Variants in KIRREL3 observed in about 807,000 individuals in gnomAD.
KIRREL3 encodes kin of IRRE-like protein 3.
A neutral mutation model predicts 89.7 loss-of-function variants in KIRREL3; 36 were observed. The observed-to-expected ratio is 0.40, with a 90% CI of 0.31 to 0.53. The LOEUF (loss-of-function observed/expected upper bound fraction) is 0.53. KIRREL3 is among the 20% of genes least tolerant of loss of function. The probability of loss-of-function intolerance (pLI) is 0.49; values close to 1 mark genes in which losing one functional copy is unlikely to be tolerated. For synonymous variants in KIRREL3, 445 were observed against 441.4 expected (o/e 1.01, Z -0.10); for missense variants, 864 against 1,056.6 (o/e 0.82, Z 2.53).
At chr11:126,464,345 CAAA>C (rs59100386) in intron 5 of KIRREL3, among the ~76,000 whole-genome samples, 2 of 94,894 alleles carry the variant, frequency 2.1e-5, no homozygotes, top group Non-Finnish European at 4.0e-5. Flanking sequence ...CTGTCACTAC[CAAA>C]AAAAAAAAAA....
At chr11:126,936,364 G>A (rs1177622016) in intron 1 of KIRREL3, 2 of 152,148 alleles carry the variant, frequency 1.3e-5, no homozygotes, top group Admixed American at 1.3e-4. Context: ...TTTACCATAT[G>A]ATCCAGCAAT....
At position 126,454,161 on chromosome 11, in the gene KIRREL3, CCTT is replaced by C. The variant is rs57794917; in HGVS notation, c.848+2185_848+2187del. On this transcript the variant is annotated intron_variant, in intron 7 of 16. Coordinates refer to ENST00000525144, the MANE Select transcript of KIRREL3 (RefSeq NM_032531.4). The surrounding 1 kb of genome is among the most constrained non-coding windows in gnomAD (Gnocchi z 5.8). ...TGCGGAGACCTCTCCTCTCCTCCCACCTTCTTCTCTTTCCTATTATTGCTGTTC... is the reference window on the plus strand; with the variant it reads ...TGCGGAGACCTCTCCTCTCCTCCCACCTTCTCTTTCCTATTATTGCTGTTC... Among the ~76,000 whole-genome samples, 25,365 of 152,050 alleles carry C rather than the reference CCTT, an allele frequency of 0.17. 2,602 individuals carry two copies. Among genetic ancestry groups the C allele is most frequent in the East Asian group, 0.39 (1,986 of 5,142 alleles).
At chr11:126,841,090 G>A (rs1427168286) in intron 1 of KIRREL3, among the ~76,000 whole-genome samples, 2 of 152,166 alleles carry the variant, frequency 1.3e-5, no homozygotes, top group African/African-American at 4.8e-5. Flanking sequence ...TTTTATCGTA[G>A]GTATGTATGG....
At chr11:126,626,157 A>G (rs1943776595) in intron 1 of KIRREL3, among the ~76,000 whole-genome samples, 1 of 152,198 alleles carries the variant, frequency 6.6e-6, no homozygotes, top group African/African-American at 2.4e-5. Flanking sequence ...TCCTGGGTCT[A>G]GGAGGGACCC....
In KIRREL3 at chr11:126,601,869, G is replaced by C. The variant is rs989614295; in HGVS notation, c.56-38957C>G. ...GGACTAAAGGTGGAGGTCTTGGCCT[G>C]AGAACCGTGCATACGGGACAGCATG... On this transcript the variant is annotated intron_variant, in intron 1 of 16. Transcript: ENST00000525144. The surrounding 1 kb of genome is among the most constrained non-coding windows in gnomAD (Gnocchi z 5.8). Among the ~76,000 whole-genome samples, 14 of 152,190 alleles carry C rather than the reference G, an allele frequency of 9.2e-5. No individual in the cohort carries two copies. Among genetic ancestry groups the C allele is most frequent in the African/African-American group, 3.4e-4 (14 of 41,442 alleles).
chr11:126,728,749 T>C (rs2134188386), intron 1 of KIRREL3, among the ~76,000 whole-genome samples: 1 of 152,290 alleles, frequency 6.6e-6, no homozygotes, highest in Non-Finnish European at 1.5e-5. Flanking sequence ...TTCAGTTCAG[T>C]AAGTAACTTC....
chr11:126,518,113 G>C (rs774618734), intron 4 of KIRREL3, among the ~76,000 whole-genome samples: 9 of 152,162 alleles, frequency 5.9e-5, no homozygotes, highest in Non-Finnish European at 8.8e-5. Context: ...CTCATTTCCT[G>C]GCTCCCTCCT....
At position 126,521,674 on chromosome 11, in the gene KIRREL3, GTA is replaced by G. The variant is rs1958594483; in HGVS notation, c.284-212_284-211del. ...GTGTTGGTTCTCTCTCTCTCTCTCT[GTA>G]TGTGTGTGTGTGTGTGTGTGTGTGT... On this transcript the variant is annotated intron_variant, in intron 3 of 16. Coordinates refer to ENST00000525144, the MANE Select transcript of KIRREL3 (RefSeq NM_032531.4). The surrounding 1 kb of genome is among the most constrained non-coding windows in gnomAD (Gnocchi z 4.1). Among the ~76,000 whole-genome samples the G allele has an allele frequency of 3.1e-5, 1 of 32,128 alleles. No individual in the cohort carries two copies. Among genetic ancestry groups the G allele is most frequent in the African/African-American group, 3.3e-4 (1 of 3,066 alleles). The allele number at this position is 32,128 out of a possible 152,430, so 21.1% of individuals were successfully genotyped here.
At chr11:126,941,508 T>C (rs1202814445) in intron 1 of KIRREL3, among the ~76,000 whole-genome samples, 1 of 152,208 alleles carries the variant, frequency 6.6e-6, no homozygotes, top group Non-Finnish European at 1.5e-5. Context: ...CAGGTGATTC[T>C]CAGGCAGCCA....
Position 126,521,470 on chromosome 11 carries a change from G to A in KIRREL3, c.284-6C>T. The A allele has an allele frequency of 6.3e-7, 1 of 1,579,608 alleles. No individual in the cohort carries two copies. The highest frequency in any genetic ancestry group is 8.6e-7 in the Non-Finnish European group (1 of 1,162,958). ...CACCAGGTACTGTGGGTAACCTGTG[G>A]AGACAACAGGCAGGTCAGGGAGCTG... On this transcript the variant is annotated splice_region_variant and splice_polypyrimidine_tract_variant and intron_variant, in intron 3 of 16. Coordinates refer to ENST00000525144, the MANE Select transcript of KIRREL3 (RefSeq NM_032531.4). This position sits in a 1 kb window ranked among gnomAD's most constrained non-coding sequence, Gnocchi z 4.1.
chr11:126,872,554 TG>T lies in KIRREL3; in HGVS notation c.55+127900del. On this transcript the variant is annotated intron_variant, in intron 1 of 16. Transcript: ENST00000525144. The surrounding 1 kb of genome is among the most constrained non-coding windows in gnomAD (Gnocchi z 4.2). ...AACCCTCCCGGACTAAGCCCCAATT[TG>T]GGGGCTCACTTCACCTGCATCATTT... 6.6e-6 allele frequency among the ~76,000 whole-genome samples: 1 copy of T among 152,324 alleles called. No homozygotes were observed. The highest frequency in any genetic ancestry group is 3.4e-3 in the Middle Eastern group (1 of 294).
chr11:126,751,426 G>C (rs1949331610), intron 1 of KIRREL3, among the ~76,000 whole-genome samples: 1 of 152,216 alleles, frequency 6.6e-6, no homozygotes, highest in South Asian at 2.1e-4. Context: ...TTATGAACTT[G>C]AAAGCTGTTT....
rs1282857643 is a variant in KIRREL3, at chr11:126,791,884, A to G, written c.55+208571T>C. On this transcript the variant is annotated intron_variant, in intron 1 of 16. Transcript: ENST00000525144. The surrounding 1 kb of genome is among the most constrained non-coding windows in gnomAD (Gnocchi z 4.8). ...GAATGTGGATGTAGCATTGATTCAC[A>G]CTTGCTGTCTGCTGTGAAAACAGTT... Among the ~76,000 whole-genome samples, 1 of 149,908 alleles carries G rather than the reference A, an allele frequency of 6.7e-6. No individual in the cohort carries two copies. The highest frequency in any genetic ancestry group is 2.5e-5 in the African/African-American group (1 of 39,332).
In KIRREL3 at chr11:126,653,959, A is replaced by G. The variant is rs773010738; in HGVS notation, c.56-91047T>C. 6.6e-6 allele frequency among the ~76,000 whole-genome samples: 1 copy of G among 152,184 alleles called. No individual in the cohort carries two copies. Among genetic ancestry groups the G allele is most frequent in the Non-Finnish European group, 1.5e-5 (1 of 68,030 alleles). On this transcript the variant is annotated intron_variant, in intron 1 of 16. Transcript: ENST00000525144. This position sits in a 1 kb window ranked among gnomAD's most constrained non-coding sequence, Gnocchi z 5.4. ...GGGGAAGGTGATACCACTTCTGCCT[A>G]GAGGGTGACCCCCACGCCCAGCACA...
chr11:126,446,977 A>T, intron 8 of KIRREL3, 91 bp from the exon 9 acceptor site: 7 of 1,457,302 alleles, frequency 4.8e-6, no homozygotes, highest in Non-Finnish European at 6.5e-6. Context: ...CTAGACCTTG[A>T]CTGGGGGGAG....
At chr11:126,845,833 A>C (rs1391476885) in intron 1 of KIRREL3, among the ~76,000 whole-genome samples, 1 of 152,222 alleles carries the variant, frequency 6.6e-6, no homozygotes, top group Non-Finnish European at 1.5e-5. Context: ...GACTTTTTAA[A>C]AGAGTGCTAT....
chr11:126,654,095 T>G (rs977267430), intron 1 of KIRREL3, among the ~76,000 whole-genome samples: 2 of 152,194 alleles, frequency 1.3e-5, no homozygotes, highest in African/African-American at 4.8e-5. Context: ...CACATGAATT[T>G]CTACTTTGAG....
At chr11:126,461,188 G>C (rs1956528688) in intron 6 of KIRREL3, among the ~76,000 whole-genome samples, 1 of 152,258 alleles carries the variant, frequency 6.6e-6, no homozygotes, top group Admixed American at 6.5e-5. Flanking sequence ...ATGGGTTGTG[G>C]AGCCGTCGTG....
chr11:126,889,218 C>T (rs1384575653), intron 1 of KIRREL3, among the ~76,000 whole-genome samples: 1 of 151,816 alleles, frequency 6.6e-6, no homozygotes, highest in Non-Finnish European at 1.5e-5. Context: ...TTTTCCCTCC[C>T]CCTCTTTATT....
Sources: gnomAD v4.1 joint callset for allele counts (sites outside exome capture counted in the v4.1 genomes callset) on GRCh38, gnomAD v4.1.1 for gene constraint, Gnocchi (gnomAD v3.1) non-coding constraint, MANE v1.5 for transcripts, NCBI Gene and HGNC (gene_info 2026-07-23, HGNC 2026-07-21) for gene names.